SPPL3: variants seen among roughly 807,000 people sequenced by gnomAD.
The protein encoded by SPPL3 is signal peptide peptidase-like 3.
Under a neutral mutation model 42.4 loss-of-function variants are expected in SPPL3, and 5 were observed. The ratio of observed to expected loss-of-function variants is 0.12; its 90% CI spans 0.06 to 0.25. The LOEUF is 0.25. Ranked by LOEUF, SPPL3 falls within the 10% of genes least tolerant of loss-of-function variation. The probability of loss-of-function intolerance (pLI) is 1.00; values close to 1 mark genes in which losing one functional copy is unlikely to be tolerated. For missense variants in SPPL3, 235 were observed against 489.0 expected (o/e 0.48, Z 4.90); for synonymous variants, 195 against 181.8 (o/e 1.07, Z -0.58).
intron 2 of SPPL3, among the ~76,000 whole-genome samples, chr12:120,796,338 T>C (rs1199812023): frequency 6.6e-6 from 1 of 152,200 alleles, no homozygotes; most frequent in East Asian, 1.9e-4. Flanking sequence ...ATCACGCCAC[T>C]GCACTCCAGC....
chr12:120,833,667 CAAAAAAAAAAAAAGA>C (rs758227620), intron 1 of SPPL3, among the ~76,000 whole-genome samples: 38 of 95,522 alleles, frequency 4.0e-4, no homozygotes, highest in Non-Finnish European at 5.3e-4. Context: ...TCCATCTCTC[CAAAAAAAAAAAAAGA>C]AAAAAAAAAA....
intron 1 of SPPL3, among the ~76,000 whole-genome samples, chr12:120,857,987 A>C (rs1331881346): frequency 6.6e-6 from 1 of 151,124 alleles, no homozygotes; most frequent in East Asian, 1.9e-4. Context: ...TTTAAAAAGA[A>C]AGAAAATTAA....
In SPPL3 at chr12:120,904,325, G is replaced by T; in HGVS notation, c.-458C>A. ...GACTGAGGGGGGCGCTAGGCGATGA[G>T]GCGAGGCCACTCGATCACACCCGCC... On this transcript the variant is annotated 5_prime_UTR_variant, in exon 1 of 11. Transcript: ENST00000353487. 1 of 164,990 alleles carries T rather than the reference G, an allele frequency of 6.1e-6. No individual in the cohort carries two copies. 10.2% of individuals were successfully genotyped at this position (164,990 alleles called of 1,614,324 possible).
intron 1 of SPPL3, among the ~76,000 whole-genome samples, chr12:120,895,904 C>T (rs1445096978): frequency 6.6e-6 from 1 of 152,186 alleles, no homozygotes; most frequent in Admixed American, 6.5e-5. Context: ...GAATGAGGTG[C>T]TCATATCTCA....
rs771269162 is a variant in SPPL3 at position 120,769,028 on chromosome 12, G to A, written c.534C>T (p.Ile178=). The change falls in exon 7 of 11, where the codon ATC becomes ATT. Residue 178 remains isoleucine, a synonymous_variant. Coordinates refer to ENST00000353487, the MANE Select transcript of SPPL3 (RefSeq NM_139015.5). The stretch of plus-strand genomic sequence containing the variant: ...TGAGGCTCGGCAGGCGGACAAAGGC[G>A]ATCATGGCGACACAGAGGCCCATGG... The part of the protein sequence containing the change: ...ALAMGLCVAM[I]AFVRLPSLKV... 1.0e-4 allele frequency: 162 copies of A among 1,606,530 alleles called. No individual in the cohort carries two copies. The highest frequency in any genetic ancestry group is 5.4e-4 in the Admixed American group (32 of 58,722).
chr12:120,792,125 G>A (rs956300444), intron 2 of SPPL3, among the ~76,000 whole-genome samples: 4 of 152,284 alleles, frequency 2.6e-5, no homozygotes, highest in Admixed American at 1.3e-4. Flanking sequence ...AATACATAGC[G>A]TGTTCATGGC....
rs1868951427 is a variant in SPPL3 at position 120,767,391 on chromosome 12, T to C, written c.973+3A>G. 1 of 1,611,464 alleles carries C rather than the reference T, an allele frequency of 6.2e-7. No individual in the cohort carries two copies. Among genetic ancestry groups the C allele is most frequent in the South Asian group, 1.1e-5 (1 of 91,016 alleles). ...TCATCTGCAGTCTCTCTGGTTCTCTTACCTACAAAGTATCCGATGAGGGTG... is the reference window on the plus strand; with the variant it reads ...TCATCTGCAGTCTCTCTGGTTCTCTCACCTACAAAGTATCCGATGAGGGTG... On this transcript the variant is annotated splice_donor_region_variant and intron_variant, in intron 9 of 10. Coordinates refer to ENST00000353487, the MANE Select transcript of SPPL3 (RefSeq NM_139015.5).
At chr12:120,865,759 G>A (rs985777255) in intron 1 of SPPL3, among the ~76,000 whole-genome samples, 1 of 152,182 alleles carries the variant, frequency 6.6e-6, no homozygotes, top group Non-Finnish European at 1.5e-5. Context: ...TAAGGCAGGG[G>A]TCTCCAACCC....
intron 1 of SPPL3, among the ~76,000 whole-genome samples, chr12:120,895,859 C>G (rs989923747): frequency 2.0e-5 from 3 of 152,216 alleles, no homozygotes; most frequent in African/African-American, 7.2e-5. Context: ...ACCACCCTCA[C>G]GCTAAAGATT....
intron 10 of SPPL3, 98 bp downstream of exon 10, chr12:120,766,165 G>A (rs999323655): frequency 5.2e-6 from 5 of 956,542 alleles, no homozygotes; most frequent in Non-Finnish European, 7.6e-6. Context: ...AGCTCACTCA[G>A]GGGCTTAAGC....
In SPPL3 at chr12:120,767,955, G is replaced by A. The variant is rs151321371; in HGVS notation, c.774-362C>T. ...CTATTACAGGTGGAAGATTAAAGCA[G>A]CACATTCATTCTGCCAAGATTATAT... On this transcript the variant is annotated intron_variant, in intron 8 of 10. Coordinates refer to ENST00000353487, the MANE Select transcript of SPPL3 (RefSeq NM_139015.5). 4.1e-3 allele frequency among the ~76,000 whole-genome samples: 625 copies of A among 152,298 alleles called. 8 individuals are homozygous for A. The highest frequency in any genetic ancestry group is 0.014 in the African/African-American group (599 of 41,560).
At chr12:120,831,113 G>A (rs922043475) in intron 1 of SPPL3, among the ~76,000 whole-genome samples, 2 of 151,814 alleles carry the variant, frequency 1.3e-5, no homozygotes, top group African/African-American at 2.4e-5. Context: ...ATTCAACTTC[G>A]GTCCTTAGAC....
intron 1 of SPPL3, among the ~76,000 whole-genome samples, chr12:120,871,326 T>C (rs12371178): frequency 0.41 from 62,521 of 151,800 alleles, 14,476 homozygotes; most frequent in Middle Eastern, 0.56. Context: ...GAAAGCAGAA[T>C]TGACATAAAA....
At chr12:120,794,579 G>C (rs946468021) in intron 2 of SPPL3, among the ~76,000 whole-genome samples, 6 of 152,128 alleles carry the variant, frequency 3.9e-5, no homozygotes, top group African/African-American at 1.4e-4. Flanking sequence ...TGTATTTTTA[G>C]TAGAGACGGG....
At chr12:120,887,125 T>C (rs1873485785) in intron 1 of SPPL3, among the ~76,000 whole-genome samples, 1 of 152,096 alleles carries the variant, frequency 6.6e-6, no homozygotes, top group Admixed American at 6.6e-5. Flanking sequence ...AATTTTTGTA[T>C]TTTTAGTAGA....
intron 1 of SPPL3, among the ~76,000 whole-genome samples, chr12:120,831,944 A>G (rs550455624): frequency 1.3e-5 from 2 of 152,360 alleles, no homozygotes; most frequent in South Asian, 2.1e-4. Flanking sequence ...CTCAGCTGAC[A>G]TAACATTTCA....
chr12:120,806,570 C>G (rs1255522167), intron 2 of SPPL3, among the ~76,000 whole-genome samples: 8 of 151,996 alleles, frequency 5.3e-5, no homozygotes, highest in Admixed American at 5.2e-4. Flanking sequence ...GTAGGAGAGC[C>G]AGGCGCGGTG....
intron 1 of SPPL3, among the ~76,000 whole-genome samples, chr12:120,898,258 C>T (rs1593017437): frequency 1.4e-5 from 2 of 138,692 alleles, no homozygotes; most frequent in African/African-American, 2.7e-5. Context: ...GAGTCGAGAT[C>T]GTGCCACCAC....
intron 1 of SPPL3, among the ~76,000 whole-genome samples, chr12:120,875,775 T>C (rs1200166760): frequency 1.3e-5 from 2 of 152,176 alleles, no homozygotes; most frequent in Admixed American, 6.5e-5. Flanking sequence ...ACATCAAATG[T>C]AAATGATACA....
Sources: gnomAD v4.1 joint callset for allele counts (sites outside exome capture counted in the v4.1 genomes callset) on GRCh38, gnomAD v4.1.1 for gene constraint, MANE v1.5 for transcripts, NCBI Gene and HGNC (gene_info 2026-07-23, HGNC 2026-07-21) for gene names.